L3MBTL4: variants seen among roughly 807,000 people sequenced by gnomAD.
L3MBTL4 encodes the protein lethal(3)malignant brain tumor-like protein 4.
Under a neutral mutation model 84.5 loss-of-function variants are expected in L3MBTL4, and 70 were observed. The observed-to-expected ratio is 0.83, with a 90% CI of 0.68 to 1.01. The LOEUF (loss-of-function observed/expected upper bound fraction) is 1.01, where lower values mean the gene tolerates loss of function less well. L3MBTL4 is among the 50% of genes least tolerant of loss of function. The pLI, the probability that L3MBTL4 is intolerant of heterozygous loss-of-function variation, is 0.00. For synonymous variants in L3MBTL4, 274 were observed against 259.8 expected, an observed-to-expected ratio of 1.05 and a Z score of -0.52; for missense variants, 715 against 754.8, an observed-to-expected ratio of 0.95 and a Z score of 0.62.
chr18:6,191,477 TTAGA>T (rs2145516044), intron 12 of L3MBTL4, among the ~76,000 whole-genome samples: 1 of 151,812 alleles, frequency 6.6e-6, no homozygotes, highest in Admixed American at 6.6e-5. Flanking sequence ...TGGGAAAGGG[TTAGA>T]GAGGAAGATC....
chr18:6,367,308 ACCATTG>A (rs1041838606), intron 1 of L3MBTL4: 29 of 152,368 alleles, frequency 1.9e-4, no homozygotes, highest in African/African-American at 6.0e-4. Flanking sequence ...CACTCCTGTT[ACCATTG>A]CCATTACCTC....
chr18:6,141,919 A>G (rs2060207882), intron 13 of L3MBTL4, among the ~76,000 whole-genome samples: 1 of 152,152 alleles, frequency 6.6e-6, no homozygotes. Flanking sequence ...TTATGATTGG[A>G]CTTGATTTTT....
rs402915 is a variant in L3MBTL4 at position 6,316,801 on chromosome 18, C to T, written c.-90-4745G>A. 5.9e-3 allele frequency among the ~76,000 whole-genome samples: 896 copies of T among 152,234 alleles called. 12 individuals carry two copies. The highest frequency in any genetic ancestry group is 0.021 in the African/African-American group (865 of 41,528). ...GGCAGAAGAACTAAGGTGGCTCCCA[C>T]CCTTCCCCCTGATGAGACCTCAGTG... On this transcript the variant is annotated intron_variant, in intron 1 of 18. Coordinates refer to ENST00000317931, the MANE Select transcript of L3MBTL4 (RefSeq NM_001330559.2).
intron 14 of L3MBTL4, among the ~76,000 whole-genome samples, chr18:6,104,526 A>G (rs1434884103): frequency 6.6e-6 from 1 of 152,202 alleles, no homozygotes; most frequent in East Asian, 1.9e-4. Context: ...TTATGTAGAT[A>G]AAGACTTAAG....
rs114672946 is a variant in L3MBTL4, at chr18:6,376,408, T to A, written c.-91+38393A>T. ...ACACTGTCTGTTCATTTGTTTTGCATATTTGTTGTCTGTCTATCCTATCTA... is the reference window on the plus strand; with the variant it reads ...ACACTGTCTGTTCATTTGTTTTGCAAATTTGTTGTCTGTCTATCCTATCTA... On this transcript the variant is annotated intron_variant, in intron 1 of 18. Coordinates refer to ENST00000317931, the MANE Select transcript of L3MBTL4 (RefSeq NM_001330559.2). Among the ~76,000 whole-genome samples, 1,280 of 152,350 alleles carry A rather than the reference T, an allele frequency of 8.4e-3. 20 individuals are homozygous for A. The highest frequency in any genetic ancestry group is 0.03 in the African/African-American group (1,240 of 41,580).
intron 14 of L3MBTL4, among the ~76,000 whole-genome samples, chr18:6,112,893 C>T (rs2059237477): frequency 6.6e-6 from 1 of 152,104 alleles, no homozygotes; most frequent in Non-Finnish European, 1.5e-5. Flanking sequence ...GATACAATAG[C>T]TTCCTTTCAG....
chr18:6,368,551 T>G (rs894110781), intron 1 of L3MBTL4, among the ~76,000 whole-genome samples: 11 of 152,088 alleles, frequency 7.2e-5, no homozygotes, highest in Admixed American at 2.6e-4. Context: ...CCCTGAGGTA[T>G]AGGTATTATT....
intron 3 of L3MBTL4, among the ~76,000 whole-genome samples, chr18:6,305,217 A>G (rs998830072): frequency 1.3e-5 from 2 of 152,250 alleles, no homozygotes; most frequent in Non-Finnish European, 2.9e-5. Context: ...ATCATATGGT[A>G]GAGCAGGGAA....
chr18:6,189,997 T>G (rs1175103306), intron 12 of L3MBTL4, among the ~76,000 whole-genome samples: 1 of 152,078 alleles, frequency 6.6e-6, no homozygotes, highest in Non-Finnish European at 1.5e-5. Context: ...TTCCAAAATG[T>G]GTAATGAATA....
At chr18:6,394,661 G>T (rs2055198432) in intron 1 of L3MBTL4, among the ~76,000 whole-genome samples, 1 of 151,884 alleles carries the variant, frequency 6.6e-6, no homozygotes, top group Non-Finnish European at 1.5e-5. Context: ...ATTATTTGTG[G>T]AATAAAGAAA....
At chr18:6,296,293 T>C (rs2050107688) in intron 4 of L3MBTL4, among the ~76,000 whole-genome samples, 1 of 152,222 alleles carries the variant, frequency 6.6e-6, no homozygotes, top group African/African-American at 2.4e-5. Flanking sequence ...TCTTCAGGCC[T>C]TTTAGCTAAT....
intron 14 of L3MBTL4, among the ~76,000 whole-genome samples, chr18:6,117,324 T>G (rs1013233551): frequency 2.0e-5 from 3 of 152,108 alleles, no homozygotes; most frequent in Non-Finnish European, 4.4e-5. Context: ...TTCAGCAAAG[T>G]AGGAGCTGAG....
chr18:6,186,089 T>G (rs1357698605), intron 12 of L3MBTL4, among the ~76,000 whole-genome samples: 1 of 151,950 alleles, frequency 6.6e-6, no homozygotes, highest in Admixed American at 6.6e-5. Flanking sequence ...CTCAGCTCAC[T>G]GCAAACTCTG....
chr18:5,968,547 A>T (rs182892900), intron 17 of L3MBTL4, among the ~76,000 whole-genome samples: 6 of 152,154 alleles, frequency 3.9e-5, no homozygotes, highest in Admixed American at 1.3e-4. Flanking sequence ...AACAAAAAAA[A>T]TTAGCTAGGT....
At chr18:6,191,909 G>C (rs1475432585) in intron 12 of L3MBTL4, among the ~76,000 whole-genome samples, 1 of 151,866 alleles carries the variant, frequency 6.6e-6, no homozygotes, top group Non-Finnish European at 1.5e-5. Flanking sequence ...AAGATCACTT[G>C]AGCCCAGGAG....
intron 13 of L3MBTL4, among the ~76,000 whole-genome samples, chr18:6,167,418 A>T (rs2145132749): frequency 6.6e-6 from 1 of 152,380 alleles, no homozygotes; most frequent in East Asian, 1.9e-4. Flanking sequence ...CATTCATGCA[A>T]AAATCCTCAA....
At chr18:6,028,348 A>G (rs141649347) in intron 16 of L3MBTL4, among the ~76,000 whole-genome samples, 42 of 152,186 alleles carry the variant, frequency 2.8e-4, no homozygotes, top group African/African-American at 9.9e-4. Flanking sequence ...ATGGTTGTAG[A>G]TGTGTGGTGT....
intron 1 of L3MBTL4, among the ~76,000 whole-genome samples, chr18:6,351,198 A>C (rs1036427786): frequency 5.9e-5 from 9 of 152,170 alleles, no homozygotes; most frequent in Non-Finnish European, 1.3e-4. Flanking sequence ...TCCATCTCGA[A>C]AAAAGCGCAT....
chr18:6,143,930 G>A (rs919954585), intron 13 of L3MBTL4, among the ~76,000 whole-genome samples: 7 of 152,120 alleles, frequency 4.6e-5, no homozygotes, highest in Admixed American at 2.6e-4. Flanking sequence ...GGGCGCGGTG[G>A]CTCACGCCTG....
Sources: gnomAD v4.1 joint callset for allele counts (sites outside exome capture counted in the v4.1 genomes callset) on GRCh38, gnomAD v4.1.1 for gene constraint, MANE v1.5 for transcripts, NCBI Gene and HGNC (gene_info 2026-07-23, HGNC 2026-07-21) for gene names.